The following PAK2 variants were observed in gnomAD, a reference collection of about 807,000 sequenced individuals.
PAK2 encodes serine/threonine-protein kinase PAK 2.
Under a neutral mutation model 65.9 loss-of-function variants are expected in PAK2, and 21 were observed. The ratio of observed to expected loss-of-function variants is 0.32; its 90% confidence interval spans 0.23 to 0.46. The LOEUF (loss-of-function observed/expected upper bound fraction) is 0.46, where lower values mean the gene tolerates loss of function less well. PAK2 is among the 20% of genes least tolerant of loss of function. The probability of loss-of-function intolerance (pLI) is 1.00; values close to 1 mark genes in which losing one functional copy is unlikely to be tolerated. For synonymous variants in PAK2, 204 were observed against 219.7 expected, an observed-to-expected ratio of 0.93 and a Z score of 0.63; for missense variants, 324 against 642.6, an observed-to-expected ratio of 0.50 and a Z score of 5.36.
chr3:196,768,579 T>G (rs1329083402), intron 1 of PAK2, among the ~76,000 whole-genome samples: 1 of 151,958 alleles, frequency 6.6e-6, no homozygotes, highest in African/African-American at 2.4e-5. Context: ...AACCCCAACC[T>G]CCTGGGCTCA....
intron 1 of PAK2, among the ~76,000 whole-genome samples, chr3:196,772,167 G>T (rs1381617058): frequency 6.6e-6 from 1 of 152,086 alleles, no homozygotes; most frequent in Admixed American, 6.6e-5. Flanking sequence ...TGTCCAGAGG[G>T]ATTTATTCCT....
rs1208200034 is a variant in PAK2, at chr3:196,808,557, CAAA to C, written c.709+659_709+661del. On this transcript the variant is annotated intron_variant, in intron 7 of 14. Transcript: ENST00000327134. ...GCCTGGCAACAGTGAGACTCCATCT[CAAA>C]AAAAAAAAAAAAAAAGCGAACCGGC... 3.0e-3 allele frequency among the ~76,000 whole-genome samples: 170 copies of C among 56,554 alleles called. 2 individuals are homozygous for C. The South Asian group carries it at 0.074, about 25-fold the overall frequency. 37.1% of individuals were successfully genotyped at this position (56,554 alleles called of 152,430 possible). A position where few individuals can be genotyped will look rare whatever the true frequency, so the allele number is the denominator to read the frequency against.
In PAK2 at chr3:196,791,922, CAAAA is replaced by C. The variant is rs11401261; in HGVS notation, c.187+9101_187+9104del. 7.2e-6 allele frequency among the ~76,000 whole-genome samples: 1 copy of C among 138,468 alleles called. No individual in the cohort carries two copies. Among genetic ancestry groups the C allele is most frequent in the African/African-American group, 2.6e-5 (1 of 37,964 alleles). The allele number at this position is 138,468 out of a possible 152,430, so 90.8% of individuals were successfully genotyped here. A position where few individuals can be genotyped will look rare whatever the true frequency, so the allele number is the denominator to read the frequency against. ...CCTGGGCGACAGAGCGAGACTCCGT[CAAAA>C]AAAAAAAAAAAGAAATAGAATTCCT... is the stretch of plus-strand genomic sequence containing the variant. On this transcript the variant is annotated intron_variant, in intron 2 of 14. Transcript: ENST00000327134. The surrounding 1 kb of genome is among the most constrained non-coding windows in gnomAD (Gnocchi z 4.0).
At chr3:196,815,884 T>G (rs570478101) in intron 11 of PAK2, among the ~76,000 whole-genome samples, 1 of 152,276 alleles carries the variant, frequency 6.6e-6, no homozygotes, top group South Asian at 2.1e-4. Context: ...TCAATAAGTC[T>G]GTGCCTGGCT....
chr3:196,775,649 G>A (rs1714514235), intron 1 of PAK2, among the ~76,000 whole-genome samples: 1 of 152,150 alleles, frequency 6.6e-6, no homozygotes, highest in Admixed American at 6.6e-5. Context: ...CCAAAGTGCT[G>A]AGATTACAGG....
At chr3:196,814,372 A>G in intron 10 of PAK2, 79 bp from the exon 11 acceptor site, 1 of 641,126 alleles carries the variant, frequency 1.6e-6, no homozygotes, top group Non-Finnish European at 2.8e-6. Flanking sequence ...GGTGTTTAAT[A>G]TTTGAATTCT....
chr3:196,759,498 GTTTTTTTT>G lies in PAK2; in HGVS notation c.-22+19373_-22+19380del, dbSNP rs71301221. Among the ~76,000 whole-genome samples the G allele has an allele frequency of 1.9e-3, 207 of 108,162 alleles. 5 individuals are homozygous for G. The highest frequency in any genetic ancestry group is 5.4e-3 in the African/African-American group (152 of 27,996). The allele number at this position is 108,162 out of a possible 152,430, so 71.0% of individuals were successfully genotyped here. On this transcript the variant is annotated intron_variant, in intron 1 of 14. Transcript: ENST00000327134. ...GGTATACAGTTAAGTGGTTTTTTTT[GTTTTTTTT>G]TTTTTTTTTTTTTTTTTTTTTTTTT...
chr3:196,790,766 T>C (rs1008544253), intron 2 of PAK2, among the ~76,000 whole-genome samples: 21 of 152,176 alleles, frequency 1.4e-4, no homozygotes, highest in African/African-American at 5.1e-4. Context: ...CCAAGGAAGC[T>C]TGCATTTATT....
chr3:196,743,126 A>C (rs2669634), intron 1 of PAK2, among the ~76,000 whole-genome samples: 75,073 of 151,522 alleles, frequency 0.5, 19,041 homozygotes, highest in Non-Finnish European at 0.56. Context: ...CATTGCCCCC[A>C]AAAAATAAAA....
chr3:196,814,300 A>ACGT (rs1245530697), intron 10 of PAK2, 151 bp from the exon 11 acceptor site: 1 of 588,306 alleles, frequency 1.7e-6, no homozygotes, highest in African/African-American at 1.9e-5. Context: ...CTGTGCTGTT[A>ACGT]CGTAGCAGCT....
intron 1 of PAK2, among the ~76,000 whole-genome samples, chr3:196,767,483 TTTTGTTTG>T (rs57659732): frequency 7.2e-5 from 11 of 151,924 alleles, no homozygotes; most frequent in Non-Finnish European, 1.0e-4. Context: ...AATACATGTT[TTTTGTTTG>T]TTTGTTTGTT....
At chr3:196,814,334 A>G (rs374909626) in intron 10 of PAK2, 117 bp from the exon 11 acceptor site, 503 of 604,820 alleles carry the variant, frequency 8.3e-4, no homozygotes, top group Non-Finnish European at 1.1e-3. Flanking sequence ...CCTAACTCTC[A>G]AGCTACCAGC....
chr3:196,755,394 G>A (rs1184733966), intron 1 of PAK2, among the ~76,000 whole-genome samples: 2 of 151,358 alleles, frequency 1.3e-5, no homozygotes, highest in Non-Finnish European at 2.9e-5. Context: ...ATTGCTATTT[G>A]GGGTTCATGG....
intron 11 of PAK2, among the ~76,000 whole-genome samples, chr3:196,815,660 G>A (rs373322103): frequency 2.6e-4 from 39 of 151,908 alleles, no homozygotes; most frequent in Middle Eastern, 3.4e-3. Flanking sequence ...GGTGGTACGC[G>A]CCTGTAGTCT....
intron 1 of PAK2, among the ~76,000 whole-genome samples, chr3:196,766,639 C>T (rs1714178211): frequency 1.3e-5 from 2 of 151,964 alleles, no homozygotes; most frequent in South Asian, 2.1e-4. Context: ...GTTCCAAAAG[C>T]GAATATACCA....
Position 196,820,835 on chromosome 3 carries a change from T to C in PAK2, c.1350+268T>C, listed in dbSNP as rs946851342. On this transcript the variant is annotated intron_variant, in intron 13 of 14. Coordinates refer to ENST00000327134, the MANE Select transcript of PAK2 (RefSeq NM_002577.4). This position sits in a 1 kb window ranked among gnomAD's most constrained non-coding sequence, Gnocchi z 4.6. ...AGCACCTGTCTCTAAAGCTTCTCCT[T>C]CTTTTATTTTTTAAGATGTTTTGAG... 3.9e-5 allele frequency among the ~76,000 whole-genome samples: 6 copies of C among 152,110 alleles called. No individual in the cohort carries two copies. Among genetic ancestry groups the C allele is most frequent in the South Asian group, 2.1e-4 (1 of 4,826 alleles).
chr3:196,795,258 C>T (rs1344182729), intron 2 of PAK2, among the ~76,000 whole-genome samples: 1 of 150,252 alleles, frequency 6.7e-6, no homozygotes, highest in African/African-American at 2.5e-5. Context: ...GAGTTCAAGA[C>T]CAGCCTGGGC....
Position 196,806,647 on chromosome 3 carries a change from T to G in PAK2, c.537T>G (p.Ala179=). ...AGGAGGATGATGATGAAGAGACTGCTCCTCCCGTTATTGCCCCGCGACCGG... is the reference window on the plus strand; with the variant it reads ...AGGAGGATGATGATGAAGAGACTGCGCCTCCCGTTATTGCCCCGCGACCGG... ...TEEEDDDEET[A]PPVIAPRPDH... The change falls in exon 6 of 15, where the codon GCT becomes GCG. Residue 179 remains alanine, a synonymous_variant. Coordinates refer to ENST00000327134, the MANE Select transcript of PAK2 (RefSeq NM_002577.4). 1 of 1,612,974 alleles carries G rather than the reference T, an allele frequency of 6.2e-7. No individual in the cohort carries two copies. Among genetic ancestry groups the G allele is most frequent in the Non-Finnish European group, 8.5e-7 (1 of 1,179,006 alleles).
chr3:196,749,212 T>G (rs1453740899), intron 1 of PAK2, among the ~76,000 whole-genome samples: 1 of 152,122 alleles, frequency 6.6e-6, no homozygotes, highest in African/African-American at 2.4e-5. Context: ...CGAACATGGG[T>G]GTACAAATAC....
Sources: gnomAD v4.1 joint callset for allele counts (sites outside exome capture counted in the v4.1 genomes callset) on GRCh38, gnomAD v4.1.1 for gene constraint, Gnocchi (gnomAD v3.1) non-coding constraint, MANE v1.5 for transcripts, NCBI Gene and HGNC (gene_info 2026-07-23, HGNC 2026-07-21) for gene names.